Variants in MINDY2 observed in about 807,000 individuals in gnomAD.
MINDY2 encodes ubiquitin carboxyl-terminal hydrolase MINDY-2.
A neutral mutation model predicts 68.2 loss-of-function variants in MINDY2; 52 were observed. The ratio of observed to expected loss-of-function variants is 0.76; its 90% CI spans 0.61 to 0.96. The LOEUF is 0.96. MINDY2 is among the 40% of genes least tolerant of loss of function. The pLI is 0.00. For missense variants in MINDY2, 881 were observed against 773.4 expected (o/e 1.14, Z -1.65); for synonymous variants, 372 against 303.0 (o/e 1.23, Z -2.36).
chr15:58,797,640 C>T (rs2140943608), intron 2 of MINDY2, among the ~76,000 whole-genome samples: 1 of 152,316 alleles, frequency 6.6e-6, no homozygotes, highest in South Asian at 2.1e-4. Context: ...CAGTGTTAAA[C>T]TGTGCTGCCA....
chr15:58,840,628 C>CTTATTA (rs71119408), intron 6 of MINDY2, among the ~76,000 whole-genome samples: 1,977 of 139,246 alleles, frequency 0.014, 11 homozygotes, highest in Middle Eastern at 0.03. Context: ...TATTTATTTA[C>CTTATTA]TTATTATTAT....
At chr15:58,838,891 TACG>T (rs2032137317) in intron 6 of MINDY2, among the ~76,000 whole-genome samples, 1 of 151,950 alleles carries the variant, frequency 6.6e-6, no homozygotes, top group South Asian at 2.1e-4. Context: ...TAATTTTTAT[TACG>T]ACTTTTCAGA....
intron 1 of MINDY2, among the ~76,000 whole-genome samples, chr15:58,783,543 G>T (rs1168720251): frequency 1.3e-5 from 2 of 152,114 alleles, no homozygotes; most frequent in Non-Finnish European, 2.9e-5. Context: ...TCCTGTTTAA[G>T]ATTTCACTTA....
chr15:58,790,399 G>A (rs1166931305), intron 2 of MINDY2, among the ~76,000 whole-genome samples: 2 of 152,186 alleles, frequency 1.3e-5, no homozygotes, highest in Non-Finnish European at 2.9e-5. Context: ...ACAAAGGGGA[G>A]TTGTAGGAGA....
intron 3 of MINDY2, among the ~76,000 whole-genome samples, chr15:58,808,055 A>ATCCT (rs530683688): frequency 6.8e-6 from 1 of 146,914 alleles, no homozygotes; most frequent in Non-Finnish European, 1.5e-5. Flanking sequence ...CCTTCCTTCC[A>ATCCT]TCCTTCCTTC....
Position 58,831,819 on chromosome 15 carries a change from C to T in MINDY2, c.1271C>T (p.Thr424Ile). ...CTAAATAACACAGCCACTCAACTGA[C>T]ATACCATGGATTATGTGAACTAACT... is the stretch of plus-strand genomic sequence containing the variant. ...QFLNNTATQLTYHGLCELTST... is the reference protein window; with the variant it reads ...QFLNNTATQLIYHGLCELTST... Residue 424 changes from threonine (T) to isoleucine (I), a missense_variant, in exon 6 of 9, where the codon ACA becomes ATA. Transcript: ENST00000559228. 3.1e-6 allele frequency: 5 copies of T among 1,613,606 alleles called. No individual in the cohort carries two copies. Among genetic ancestry groups the T allele is most frequent in the Non-Finnish European group, 4.2e-6 (5 of 1,179,740 alleles).
rs944087232 is a variant in MINDY2 at position 58,857,562 on chromosome 15, C to G, written c.*2952C>G. 2 of 140,026 alleles carry G rather than the reference C, an allele frequency of 1.4e-5. No homozygotes were observed. Among genetic ancestry groups the G allele is most frequent in the Non-Finnish European group, 3.1e-5 (2 of 64,430 alleles). 8.7% of individuals were successfully genotyped at this position (140,026 alleles called of 1,614,324 possible). ...AAAAAAAAAAAAAAAAAAATTAGAG[C>G]TATTGTGTCTTTATTTTCTTAAATT... is the stretch of plus-strand genomic sequence containing the variant. On this transcript the variant is annotated 3_prime_UTR_variant, in exon 9 of 9. Transcript: ENST00000559228.
At position 58,860,084 on chromosome 15, in the gene MINDY2, A is replaced by C. The variant is rs1378515073; in HGVS notation, c.*5474A>C. ...GCCATTAAGTCTCTCTTTATCTGAT[A>C]TTCTAAGGATTTCTTCAAACTACTT... On this transcript the variant is annotated 3_prime_UTR_variant, in exon 9 of 9. Transcript: ENST00000559228. The C allele has an allele frequency of 6.6e-6, 1 of 152,208 alleles. No individual in the cohort carries two copies. Among genetic ancestry groups the C allele is most frequent in the Non-Finnish European group, 1.5e-5 (1 of 68,036 alleles). The allele number at this position is 152,208 out of a possible 1,614,324, so 9.4% of individuals were successfully genotyped here.
intron 4 of MINDY2, among the ~76,000 whole-genome samples, chr15:58,819,464 C>T (rs1028468710): frequency 7.2e-5 from 11 of 152,136 alleles, no homozygotes; most frequent in Middle Eastern, 3.4e-3. Context: ...TGCACTCCAG[C>T]GTGGGTGACA....
intron 6 of MINDY2, among the ~76,000 whole-genome samples, chr15:58,838,318 A>G (rs192607468): frequency 1.4e-4 from 22 of 152,042 alleles, no homozygotes; most frequent in Non-Finnish European, 2.6e-4. Context: ...GAATCGCTTG[A>G]ATCCAGGAGG....
intron 6 of MINDY2, among the ~76,000 whole-genome samples, chr15:58,841,946 C>A (rs1484557647): frequency 6.6e-6 from 1 of 151,998 alleles, no homozygotes; most frequent in African/African-American, 2.4e-5. Flanking sequence ...GATTCCTATC[C>A]TTACCTAATT....
chr15:58,834,145 T>A lies in MINDY2; in HGVS notation c.1368+2229T>A, dbSNP rs7173746. Among the ~76,000 whole-genome samples the A allele has an allele frequency of 3.9e-3, 601 of 152,234 alleles. 4 individuals are homozygous for A. The highest frequency in any genetic ancestry group is 0.014 in the African/African-American group (589 of 41,534). Reference sequence around the variant, plus strand: ...TAACCCTTAGTTGACACAGCACACGTTTCAGGGAGCACAGGGTTGGGGGTA... The same window carrying A: ...TAACCCTTAGTTGACACAGCACACGATTCAGGGAGCACAGGGTTGGGGGTA... On this transcript the variant is annotated intron_variant, in intron 6 of 8. Coordinates refer to ENST00000559228, the MANE Select transcript of MINDY2 (RefSeq NM_001040450.3).
At chr15:58,772,373 A>T (rs1159832345) in intron 1 of MINDY2, 138 bp downstream of exon 1, 1 of 1,332,178 alleles carries the variant, frequency 7.5e-7, no homozygotes, top group Non-Finnish European at 1.0e-6. Flanking sequence ...TCATTCCAAG[A>T]CTTCCATGTT....
At chr15:58,810,816 G>A (rs2030190906) in intron 4 of MINDY2, among the ~76,000 whole-genome samples, 1 of 152,194 alleles carries the variant, frequency 6.6e-6, no homozygotes, top group Non-Finnish European at 1.5e-5. Flanking sequence ...GAATCTAGGA[G>A]GGTTCCAACT....
chr15:58,788,611 C>T (rs1208683535), intron 2 of MINDY2, among the ~76,000 whole-genome samples: 1 of 152,208 alleles, frequency 6.6e-6, no homozygotes, highest in Non-Finnish European at 1.5e-5. Flanking sequence ...AGCAGTTGTA[C>T]ATCACATTGT....
In MINDY2 at chr15:58,854,566, G is replaced by A. The variant is rs746968284; in HGVS notation, c.1822G>A (p.Asp608Asn). 11 of 1,612,816 alleles carry A rather than the reference G, an allele frequency of 6.8e-6. No homozygotes were observed. The highest frequency in any genetic ancestry group is 1.1e-5 in the South Asian group (1 of 90,986). The change falls in exon 9 of 9, where the codon GAT becomes AAT. Residue 608 changes from aspartate (D) to asparagine (N), a missense_variant. Physicochemically the swap from Asp to Asn is conservative, Grantham distance 23 (BLOSUM62 1). Transcript: ENST00000559228. Reference sequence around the variant, plus strand: ...TAAACGGAAGGAACCACGAGAAAAAGATAAAGAAAAAGAAAAGGAAAAAAA... The same window carrying A: ...TAAACGGAAGGAACCACGAGAAAAAAATAAAGAAAAAGAAAAGGAAAAAAA... ...ERKRKEPREKDKEKEKEKNSC... is the reference protein window; with the variant it reads ...ERKRKEPREKNKEKEKEKNSC...
At position 58,815,999 on chromosome 15, in the gene MINDY2, C is replaced by G. The variant is rs141207115; in HGVS notation, c.1122+5611C>G. On this transcript the variant is annotated intron_variant, in intron 4 of 8. Coordinates refer to ENST00000559228, the MANE Select transcript of MINDY2 (RefSeq NM_001040450.3). ...AGCCAAAAGGCTATTATTTCTTTAC[C>G]TGGTTAACTGTCATCTCCCACTAGA... Among the ~76,000 whole-genome samples the G allele has an allele frequency of 3.1e-3, 479 of 152,264 alleles. 2 individuals carry two copies. The highest frequency in any genetic ancestry group is 0.011 in the African/African-American group (453 of 41,570).
chr15:58,825,425 A>G (rs2031331117), intron 5 of MINDY2, among the ~76,000 whole-genome samples: 1 of 152,182 alleles, frequency 6.6e-6, no homozygotes, highest in African/African-American at 2.4e-5. Context: ...ATGAATAGAA[A>G]CAATACCTTT....
chr15:58,838,636 G>C (rs1221076926), intron 6 of MINDY2, among the ~76,000 whole-genome samples: 2 of 129,778 alleles, frequency 1.5e-5, no homozygotes, highest in African/African-American at 6.2e-5. Context: ...GCCCAGACTG[G>C]AGTGCGGTGG....
Sources: gnomAD v4.1 joint callset for allele counts (sites outside exome capture counted in the v4.1 genomes callset) on GRCh38, gnomAD v4.1.1 for gene constraint, MANE v1.5 for transcripts, NCBI Gene and HGNC (gene_info 2026-07-23, HGNC 2026-07-21) for gene names.